The following CAST variants were observed in gnomAD, a reference collection of about 807,000 sequenced individuals.
CAST encodes the protein calpastatin, also known as MIR583 host.
In CAST, 76 loss-of-function variants were observed where a neutral mutation model predicts 119.6. The ratio of observed to expected loss-of-function variants is 0.64; its 90% CI spans 0.53 to 0.77. CAST has a LOEUF of 0.77. Among genes scored for constraint, CAST ranks in the 30% least tolerant of loss-of-function variants. The probability of loss-of-function intolerance (pLI) is 0.00; values close to 1 mark genes in which losing one functional copy is unlikely to be tolerated. For synonymous variants in CAST, 319 were observed against 331.6 expected (o/e 0.96, Z 0.41); for missense variants, 953 against 946.5 (o/e 1.01, Z -0.09).
the CAST span, among the ~76,000 whole-genome samples, chr5:96,511,977 T>C: frequency 6.6e-6 from 1 of 152,242 alleles, no homozygotes; most frequent in Admixed American, 6.5e-5. Flanking sequence ...TTGAAAACCA[T>C]ATGAGACTAT....
the CAST span, among the ~76,000 whole-genome samples, chr5:96,368,630 C>T: frequency 6.6e-6 from 1 of 152,050 alleles, no homozygotes; most frequent in African/African-American, 2.4e-5. Context: ...GATCTCTCAG[C>T]CTGCTGCAGA....
the CAST span, among the ~76,000 whole-genome samples, chr5:96,041,215 C>A: frequency 1.1e-4 from 16 of 152,138 alleles, no homozygotes; most frequent in East Asian, 2.5e-3. Flanking sequence ...AGGCCATTAT[C>A]AACAGTGATA....
upstream of CAST, among the ~76,000 whole-genome samples, chr5:96,521,573 G>A (rs115270825): frequency 0.018 from 2,683 of 152,174 alleles, 81 homozygotes; most frequent in African/African-American, 0.062. Context: ...TGTGACTCTT[G>A]TTCCCACATA....
chr5:96,633,835 AAC>A (rs1747852191), intron 1 of CAST, among the ~76,000 whole-genome samples: 1 of 152,188 alleles, frequency 6.6e-6, no homozygotes, highest in South Asian at 2.1e-4. Flanking sequence ...TTCACCCAGA[AAC>A]ACACTCTACA....
At chr5:96,317,859 ATAT>A in the CAST span, among the ~76,000 whole-genome samples, 12 of 152,294 alleles carry the variant, frequency 7.9e-5, no homozygotes, top group Non-Finnish European at 1.5e-4. Flanking sequence ...CTGCACCCTG[ATAT>A]TATTCTCAAT....
At chr5:96,202,631 G>A in the CAST span, among the ~76,000 whole-genome samples, 2 of 152,092 alleles carry the variant, frequency 1.3e-5, no homozygotes, top group Non-Finnish European at 2.9e-5. Context: ...CAGTTTTTGA[G>A]AGGCGTGAAT....
chr5:96,561,800 T>TTTTTTTTG (rs1746374159), intron 1 of CAST, among the ~76,000 whole-genome samples: 2 of 98,920 alleles, frequency 2.0e-5, no homozygotes, highest in East Asian at 2.9e-4. Flanking sequence ...TTTTTTGTTT[T>TTTTTTTTG]TTTTTTTTTT....
intron 1 of CAST, among the ~76,000 whole-genome samples, chr5:96,567,510 C>G (rs1000166122): frequency 6.6e-6 from 1 of 152,122 alleles, no homozygotes; most frequent in African/African-American, 2.4e-5. Context: ...CTAATTCATC[C>G]TTGGAGAAAG....
the CAST span, among the ~76,000 whole-genome samples, chr5:96,367,945 C>A: frequency 1.3e-5 from 2 of 152,016 alleles, no homozygotes; most frequent in East Asian, 1.9e-4. Context: ...TGGGGCTCTT[C>A]CTATTCAGCC....
At chr5:96,662,228 G>A (rs1023570704), upstream of CAST, 9 of 581,052 alleles carry the variant, frequency 1.5e-5, no homozygotes, top group Middle Eastern at 5.1e-4. Context: ...CCGCGGGCAG[G>A]AAGGGGAGGG....
At chr5:96,531,410 G>A (rs868705871) in intron 1 of CAST, among the ~76,000 whole-genome samples, 1 of 152,050 alleles carries the variant, frequency 6.6e-6, no homozygotes, top group Non-Finnish European at 1.5e-5. Flanking sequence ...ACTCACCCCC[G>A]CATTTTGAAT....
the CAST span, among the ~76,000 whole-genome samples, chr5:95,999,030 T>A: frequency 6.6e-6 from 1 of 152,058 alleles, no homozygotes; most frequent in Non-Finnish European, 1.5e-5. Flanking sequence ...ACCTGTTTAT[T>A]GGCTGTTTGT....
At chr5:96,332,220 C>T in the CAST span, among the ~76,000 whole-genome samples, 1 of 152,128 alleles carries the variant, frequency 6.6e-6, no homozygotes, top group Non-Finnish European at 1.5e-5. Context: ...TAGGAGAATT[C>T]ACACCATTTA....
the CAST span, among the ~76,000 whole-genome samples, chr5:96,427,086 G>T: frequency 6.6e-6 from 1 of 152,092 alleles, no homozygotes; most frequent in Non-Finnish European, 1.5e-5. Context: ...TGAGGTAGAG[G>T]GTCACTTACA....
chr5:96,046,802 G>A, the CAST span, among the ~76,000 whole-genome samples: 7 of 152,172 alleles, frequency 4.6e-5, no homozygotes, highest in African/African-American at 1.4e-4. Flanking sequence ...GAATCATGGT[G>A]GGAGGTGAAA....
chr5:96,147,143 A>T, the CAST span, among the ~76,000 whole-genome samples: 1 of 152,178 alleles, frequency 6.6e-6, no homozygotes, highest in Non-Finnish European at 1.5e-5. Flanking sequence ...TTGTAGGTAC[A>T]CTTATAATTA....
At chr5:96,661,915 T>C (rs1748553936), upstream of CAST, among the ~76,000 whole-genome samples, 1 of 152,262 alleles carries the variant, frequency 6.6e-6, no homozygotes, top group Non-Finnish European at 1.5e-5. Context: ...ATCTAGACTG[T>C]CCAGGCTTGG....
chr5:96,048,363 A>G, the CAST span, among the ~76,000 whole-genome samples: 1 of 152,220 alleles, frequency 6.6e-6, no homozygotes, highest in Non-Finnish European at 1.5e-5. Context: ...GAGTGATGCC[A>G]GAGATGACCA....
intron 1 of CAST, among the ~76,000 whole-genome samples, chr5:96,604,522 GC>G (rs765119202): frequency 2.0e-5 from 3 of 152,200 alleles, no homozygotes; most frequent in Non-Finnish European, 4.4e-5. Context: ...AGTGAGACCA[GC>G]ATAATGGAAC....
Sources: allele counts gnomAD v4.1 joint callset (sites outside exome capture counted in the v4.1 genomes callset), GRCh38; gene constraint gnomAD v4.1.1; transcripts MANE v1.5; gene names NCBI Gene and HGNC (gene_info 2026-07-23, HGNC 2026-07-21).